The following UMAD1 variants were observed in gnomAD, a reference collection of about 807,000 sequenced individuals.
UMAD1 encodes the protein UBAP1-MVB12-associated (UMA)-domain containing protein 1.
A neutral mutation model predicts 6.1 loss-of-function variants in UMAD1; 8 were observed. The ratio of observed to expected loss-of-function variants is 1.30; its 90% CI spans 0.76 to 2.35. The LOEUF is 2.35. Among genes scored for constraint, UMAD1 ranks in the 30% most tolerant of loss-of-function variants. UMAD1 has a pLI of 0.00. For missense variants in UMAD1, 130 were observed against 78.4 expected (o/e 1.66, Z -2.49); for synonymous variants, 56 against 31.4 (o/e 1.78, Z -2.61).
chr7:7,800,963 T>A (rs1782786880), intron 2 of UMAD1, among the ~76,000 whole-genome samples: 1 of 152,242 alleles, frequency 6.6e-6, no homozygotes, highest in Non-Finnish European at 1.5e-5. Flanking sequence ...AGGTAGTCTC[T>A]ATCATGTGTT....
intron 2 of UMAD1, among the ~76,000 whole-genome samples, chr7:7,778,555 AC>A (rs570265194): frequency 3.0e-4 from 45 of 152,032 alleles, no homozygotes; most frequent in Admixed American, 2.0e-3. Flanking sequence ...AGCTAGGGCT[AC>A]AGGCGTGTGC....
chr7:7,799,086 AT>A (rs1040130985), intron 2 of UMAD1, among the ~76,000 whole-genome samples: 4 of 152,006 alleles, frequency 2.6e-5, no homozygotes, highest in Non-Finnish European at 5.9e-5. Flanking sequence ...TTGCTTATTT[AT>A]TTTTATAGTA....
chr7:7,642,261 A>G (rs1043581374), intron 1 of UMAD1, among the ~76,000 whole-genome samples: 1 of 128,244 alleles, frequency 7.8e-6, no homozygotes. Flanking sequence ...CAGCCTGCCA[A>G]GTAGCTGGGA....
intron 3 of UMAD1, among the ~76,000 whole-genome samples, chr7:7,817,092 T>C (rs1325354341): frequency 6.6e-6 from 1 of 152,222 alleles, no homozygotes; most frequent in Non-Finnish European, 1.5e-5. Context: ...CTTGAGTATA[T>C]TCCTTTCTCT....
At chr7:7,724,897 TA>T (rs1781112459) in intron 2 of UMAD1, among the ~76,000 whole-genome samples, 1 of 152,208 alleles carries the variant, frequency 6.6e-6, no homozygotes, top group African/African-American at 2.4e-5. Context: ...GTCATAATGT[TA>T]TTTGGAGAGA....
At chr7:7,712,304 G>A (rs563108472) in intron 2 of UMAD1, among the ~76,000 whole-genome samples, 105 of 152,166 alleles carry the variant, frequency 6.9e-4, no homozygotes, top group African/African-American at 2.5e-3. Context: ...TAATTTAGGG[G>A]AGAATTGCTA....
intron 2 of UMAD1, among the ~76,000 whole-genome samples, chr7:7,678,736 T>A (rs1779827952): frequency 4.3e-5 from 2 of 46,678 alleles, no homozygotes; most frequent in Non-Finnish European, 8.1e-5. Flanking sequence ...TATATTTATA[T>A]ATTTAGTTTA....
chr7:7,677,177 A>G (rs1779762016), intron 2 of UMAD1, among the ~76,000 whole-genome samples: 1 of 152,204 alleles, frequency 6.6e-6, no homozygotes, highest in African/African-American at 2.4e-5. Flanking sequence ...ACACAGGCAT[A>G]TAATGTGTAG....
intron 3 of UMAD1, among the ~76,000 whole-genome samples, chr7:7,823,853 A>C (rs1365534666): frequency 2.0e-5 from 3 of 152,084 alleles, no homozygotes; most frequent in African/African-American, 4.8e-5. Context: ...AGCTAAGAAG[A>C]CACCTACAGC....
intron 2 of UMAD1, among the ~76,000 whole-genome samples, chr7:7,798,768 C>T (rs2115271812): frequency 6.6e-6 from 1 of 152,276 alleles, no homozygotes; most frequent in East Asian, 1.9e-4. Context: ...GGTTCTGCTC[C>T]CATTGTGACT....
At chr7:7,811,038 A>C (rs1783011707) in intron 3 of UMAD1, among the ~76,000 whole-genome samples, 1 of 152,086 alleles carries the variant, frequency 6.6e-6, no homozygotes, top group Admixed American at 6.6e-5. Flanking sequence ...TCATTAATCA[A>C]CCTGTCAATG....
intron 2 of UMAD1, among the ~76,000 whole-genome samples, chr7:7,695,289 A>G (rs529141772): frequency 2.2e-3 from 328 of 152,266 alleles, no homozygotes; most frequent in Non-Finnish European, 3.9e-3. Context: ...TCCCCACCAC[A>G]GTTTATCTCA....
intron 1 of UMAD1, among the ~76,000 whole-genome samples, chr7:7,649,133 G>A (rs531508883): frequency 2.1e-5 from 3 of 141,422 alleles, no homozygotes; most frequent in Admixed American, 7.4e-5. Context: ...ACTCCAGCCC[G>A]TGCGACAAGA....
intron 2 of UMAD1, among the ~76,000 whole-genome samples, chr7:7,777,583 A>C (rs1224296910): frequency 7.0e-6 from 1 of 143,696 alleles, no homozygotes; most frequent in Non-Finnish European, 1.5e-5. Context: ...AAATATATAT[A>C]TATATATATA....
intron 1 of UMAD1, among the ~76,000 whole-genome samples, chr7:7,643,237 A>C (rs895205049): frequency 6.6e-6 from 1 of 152,246 alleles, no homozygotes; most frequent in African/African-American, 2.4e-5. Flanking sequence ...CATGCATATT[A>C]AGAGACAAAA....
At chr7:7,742,173 A>G (rs1781483141) in intron 2 of UMAD1, 2 of 667,810 alleles carry the variant, frequency 3.0e-6, no homozygotes, top group Non-Finnish European at 5.7e-6. Flanking sequence ...AGGCCGAATC[A>G]GGTGTTGACC....
intron 2 of UMAD1, chr7:7,718,372 C>T (rs1174497066): frequency 6.6e-6 from 1 of 152,130 alleles, no homozygotes; most frequent in Non-Finnish European, 1.5e-5. Flanking sequence ...CCACCATATT[C>T]CCAGCACTAG....
chr7:7,694,579 A>C (rs1334586240), intron 2 of UMAD1, among the ~76,000 whole-genome samples: 1 of 148,026 alleles, frequency 6.8e-6, no homozygotes, highest in East Asian at 2.0e-4. Flanking sequence ...TCTACTCTCT[A>C]TCTCTCTGAG....
intron 3 of UMAD1, among the ~76,000 whole-genome samples, chr7:7,846,297 C>A (rs891166318): frequency 4.6e-5 from 7 of 152,078 alleles, no homozygotes; most frequent in Admixed American, 4.6e-4. Context: ...AGTATTTATT[C>A]TTTTCTTTAA....
Sources: gnomAD v4.1 joint callset for allele counts (sites outside exome capture counted in the v4.1 genomes callset) on GRCh38, gnomAD v4.1.1 for gene constraint, MANE v1.5 for transcripts, NCBI Gene and HGNC (gene_info 2026-07-23, HGNC 2026-07-21) for gene names.